Variants in DSE observed in about 807,000 individuals in gnomAD.
DSE encodes dermatan-sulfate epimerase.
DSE carries 36 observed loss-of-function variants against 84.4 expected under a neutral mutation model. The observed-to-expected ratio is 0.43, with a 90% CI of 0.33 to 0.56. The LOEUF (loss-of-function observed/expected upper bound fraction) is 0.56. Among genes scored for constraint, DSE ranks in the 20% least tolerant of loss-of-function variants. DSE has a pLI of 0.06. For synonymous variants in DSE, 410 were observed against 430.1 expected (o/e 0.95, Z 0.58); for missense variants, 862 against 1,169.6 (o/e 0.74, Z 3.84).
intron 1 of DSE, among the ~76,000 whole-genome samples, chr6:116,394,364 A>G (rs1342592742): frequency 6.6e-6 from 1 of 152,202 alleles, no homozygotes; most frequent in African/African-American, 2.4e-5. Context: ...ACGTAATGCT[A>G]AACTTGGACT....
chr6:116,368,237 A>C (rs1779273723), upstream of DSE, among the ~76,000 whole-genome samples: 1 of 152,176 alleles, frequency 6.6e-6, no homozygotes, highest in Non-Finnish European at 1.5e-5. Flanking sequence ...ACAGGCTGCT[A>C]CCCTGGGACA....
At chr6:116,406,960 T>G (rs958877871) in intron 2 of DSE, among the ~76,000 whole-genome samples, 1 of 152,152 alleles carries the variant, frequency 6.6e-6, no homozygotes, top group South Asian at 2.1e-4. Context: ...ATAATATTAG[T>G]GTAGGAGGGA....
chr6:116,376,297 T>C (rs955389702), intron 1 of DSE, among the ~76,000 whole-genome samples: 1 of 152,356 alleles, frequency 6.6e-6, no homozygotes, highest in African/African-American at 2.4e-5. Flanking sequence ...ATTAGCTGGC[T>C]TCAGGATTTT....
chr6:116,258,528 C>T, exon 2 of DSE: 3 of 1,313,340 alleles, frequency 2.3e-6, no homozygotes, highest in South Asian at 2.4e-5. Context: ...TCCAAGAAGG[C>T]CACACGTCCT....
chr6:116,287,179 G>A (rs1773963633), intron 2 of DSE, among the ~76,000 whole-genome samples: 1 of 152,028 alleles, frequency 6.6e-6, no homozygotes, highest in South Asian at 2.1e-4. Flanking sequence ...GAAGAGTTGA[G>A]CACTGTTCTA....
chr6:116,419,204 A>T (rs777597485), intron 2 of DSE, among the ~76,000 whole-genome samples: 1 of 152,220 alleles, frequency 6.6e-6, no homozygotes, highest in Admixed American at 6.5e-5. Flanking sequence ...CCAAGACCCA[A>T]TGTGCTTTAC....
intron 2 of DSE, among the ~76,000 whole-genome samples, chr6:116,348,826 G>A (rs930034976): frequency 2.0e-5 from 3 of 152,262 alleles, no homozygotes; most frequent in East Asian, 1.9e-4. Context: ...TCCTTTGTAG[G>A]GACATGGATG....
intron 2 of DSE, among the ~76,000 whole-genome samples, chr6:116,309,877 T>C (rs1775576608): frequency 6.6e-6 from 1 of 152,134 alleles, no homozygotes. Flanking sequence ...TCCTCATGAC[T>C]CAATCACTTC....
In DSE at chr6:116,441,920, G is replaced by C. The variant is rs751872047; in HGVS notation, c.*4575G>C. On this transcript the variant is annotated 3_prime_UTR_variant, in exon 6 of 6. Coordinates refer to ENST00000644252, the MANE Select transcript of DSE (RefSeq NM_013352.4). ...AATAATAAAAGCTGGCCCTTGTATA[G>C]TTTATGTTCTAGTGGGAGCAAATAA... The C allele has an allele frequency of 6.6e-6, 1 of 152,184 alleles. No homozygotes were observed. Among genetic ancestry groups the C allele is most frequent in the East Asian group, 1.9e-4 (1 of 5,204 alleles). The allele number at this position is 152,184 out of a possible 1,614,324, so 9.4% of individuals were successfully genotyped here.
intron 2 of DSE, among the ~76,000 whole-genome samples, chr6:116,304,767 G>C (rs1775244294): frequency 6.6e-6 from 1 of 152,122 alleles, no homozygotes; most frequent in Non-Finnish European, 1.5e-5. Context: ...GAAATCCCCA[G>C]AGTCCCCCCA....
chr6:116,385,927 G>T (rs549484510), intron 1 of DSE, among the ~76,000 whole-genome samples: 1 of 151,980 alleles, frequency 6.6e-6, no homozygotes, highest in South Asian at 2.1e-4. Flanking sequence ...AGTAATAAAA[G>T]CACCACTCCA....
At chr6:116,296,928 C>T (rs1026046241) in intron 2 of DSE, among the ~76,000 whole-genome samples, 5 of 151,926 alleles carry the variant, frequency 3.3e-5, no homozygotes, top group Non-Finnish European at 5.9e-5. Flanking sequence ...AAATCATTTG[C>T]GCTGTTTTGT....
At chr6:116,280,876 A>C (rs1488583304) in intron 2 of DSE, among the ~76,000 whole-genome samples, 2 of 152,262 alleles carry the variant, frequency 1.3e-5, no homozygotes, top group African/African-American at 4.8e-5. Context: ...TGCAAAGGGC[A>C]ACATGCAGCT....
At chr6:116,264,409 G>C (rs1038695715) in intron 2 of DSE, among the ~76,000 whole-genome samples, 1 of 152,010 alleles carries the variant, frequency 6.6e-6, no homozygotes, top group Non-Finnish European at 1.5e-5. Flanking sequence ...AATTCTTGTA[G>C]TGTGTTTTTC....
intron 2 of DSE, among the ~76,000 whole-genome samples, chr6:116,310,095 A>G (rs1317917022): frequency 6.6e-6 from 1 of 152,196 alleles, no homozygotes; most frequent in Non-Finnish European, 1.5e-5. Context: ...TTTAATCCCT[A>G]CAAATTCTTA....
At chr6:116,396,742 A>T (rs956426145) in intron 1 of DSE, among the ~76,000 whole-genome samples, 1 of 152,162 alleles carries the variant, frequency 6.6e-6, no homozygotes, top group Non-Finnish European at 1.5e-5. Flanking sequence ...GGCAGGGGTC[A>T]CATTGTGAGT....
intron 1 of DSE, among the ~76,000 whole-genome samples, chr6:116,377,948 C>T (rs953153443): frequency 1.3e-5 from 2 of 152,062 alleles, no homozygotes; most frequent in Admixed American, 1.3e-4. Context: ...GGGACCTTTG[C>T]AGTTTGATGA....
chr6:116,307,737 T>G (rs931272510), intron 2 of DSE, among the ~76,000 whole-genome samples: 1 of 152,236 alleles, frequency 6.6e-6, no homozygotes, highest in African/African-American at 2.4e-5. Flanking sequence ...AGATATTTTA[T>G]TGAAAACAAA....
At chr6:116,313,766 G>A (rs535327709) in intron 2 of DSE, among the ~76,000 whole-genome samples, 7 of 152,232 alleles carry the variant, frequency 4.6e-5, no homozygotes, top group African/African-American at 1.7e-4. Context: ...GGGTGAATCG[G>A]TTCATATAAG....
Sources: allele counts gnomAD v4.1 joint callset (sites outside exome capture counted in the v4.1 genomes callset), GRCh38; gene constraint gnomAD v4.1.1; transcripts MANE v1.5; gene names NCBI Gene and HGNC (gene_info 2026-07-23, HGNC 2026-07-21).